The following HAO1 variants were observed in gnomAD, a reference collection of about 807,000 sequenced individuals.
HAO1 encodes 2-Hydroxyacid oxidase 1.
HAO1 carries 34 observed loss-of-function variants against 39.7 expected under a neutral mutation model. The ratio of observed to expected loss-of-function variants is 0.86; its 90% CI spans 0.65 to 1.14. The LOEUF (loss-of-function observed/expected upper bound fraction) is 1.14, where lower values mean the gene tolerates loss of function less well. Ranked by LOEUF, HAO1 falls within the 50% of genes most tolerant of loss-of-function variation. The pLI is 0.00. For synonymous variants in HAO1, 172 were observed against 173.2 expected, an observed-to-expected ratio of 0.99 and a Z score of 0.05; for missense variants, 479 against 464.5, an observed-to-expected ratio of 1.03 and a Z score of -0.29.
At chr20:7,913,394 A>G (rs555219320) in intron 3 of HAO1, among the ~76,000 whole-genome samples, 3 of 152,260 alleles carry the variant, frequency 2.0e-5, no homozygotes, top group African/African-American at 7.2e-5. Flanking sequence ...AAAATCCAAG[A>G]GCACATTTTG....
chr20:7,928,397 C>T (rs947521899), intron 2 of HAO1, among the ~76,000 whole-genome samples: 2 of 151,726 alleles, frequency 1.3e-5, no homozygotes, highest in Middle Eastern at 3.4e-3. Flanking sequence ...GGATCAAAAT[C>T]ATTTATTTAT....
intron 2 of HAO1, among the ~76,000 whole-genome samples, chr20:7,917,245 C>T (rs920707019): frequency 7.3e-5 from 11 of 150,348 alleles, no homozygotes; most frequent in Non-Finnish European, 1.3e-4. Flanking sequence ...GCGACTGAAG[C>T]ACTAGGATTG....
chr20:7,929,604 G>A (rs555483159), intron 2 of HAO1, among the ~76,000 whole-genome samples: 40 of 152,168 alleles, frequency 2.6e-4, no homozygotes, highest in South Asian at 4.1e-4. Context: ...GGTGGCTCAC[G>A]CATGTAATCC....
chr20:7,905,515 T>C (rs1252745824), intron 4 of HAO1, among the ~76,000 whole-genome samples: 1 of 152,220 alleles, frequency 6.6e-6, no homozygotes. Flanking sequence ...TTTCTTGCCT[T>C]TGTGGGTAAA....
chr20:7,901,422 T>C (rs1044438838), intron 4 of HAO1, among the ~76,000 whole-genome samples: 2 of 152,084 alleles, frequency 1.3e-5, no homozygotes, highest in Non-Finnish European at 2.9e-5. Context: ...TTATACCAAA[T>C]CTACTCTGCC....
intron 5 of HAO1, among the ~76,000 whole-genome samples, chr20:7,893,686 C>G (rs956490841): frequency 6.6e-5 from 10 of 152,122 alleles, no homozygotes; most frequent in Non-Finnish European, 1.5e-5. Flanking sequence ...TTATCTCCCA[C>G]CTGACCAATC....
At chr20:7,904,113 T>C (rs2050236783) in intron 4 of HAO1, among the ~76,000 whole-genome samples, 3 of 152,190 alleles carry the variant, frequency 2.0e-5, no homozygotes, top group Admixed American at 2.0e-4. Context: ...GAAACAATTA[T>C]GGAACAAGAC....
intron 4 of HAO1, 104 bp downstream of exon 4, chr20:7,906,050 T>C (rs1286438411): frequency 2.4e-6 from 2 of 817,254 alleles, no homozygotes; most frequent in Admixed American, 4.3e-5. Context: ...TCTCTCTCAA[T>C]TTCCATGTTA....
At chr20:7,923,445 A>G (rs918623931) in intron 2 of HAO1, among the ~76,000 whole-genome samples, 22 of 152,170 alleles carry the variant, frequency 1.4e-4, no homozygotes, top group African/African-American at 5.3e-4. Context: ...AGGGGCCTGC[A>G]TACTAAGCCT....
At chr20:7,923,767 C>T (rs2247663) in intron 2 of HAO1, among the ~76,000 whole-genome samples, 14 of 151,930 alleles carry the variant, frequency 9.2e-5, no homozygotes, top group Non-Finnish European at 1.6e-4. Context: ...GTCTGTAGTG[C>T]GACCTAAGAT....
In HAO1 at chr20:7,934,590, A is replaced by T; in HGVS notation, c.183T>A (p.Asp61Glu). 6.2e-7 allele frequency: 1 copy of T among 1,610,398 alleles called. No homozygotes were observed. The highest frequency in any genetic ancestry group is 8.5e-7 in the Non-Finnish European group (1 of 1,176,732). Residue 61 changes from aspartate to glutamate, a missense_variant, in exon 2 of 8, where the codon GAT becomes GAA. Physicochemically the swap from Asp to Glu is conservative, Grantham distance 45. Transcript: ENST00000378789. The stretch of plus-strand genomic sequence containing the variant: ...TCTGTCCTAAAACAGAAGTCGACAG[A>T]TCTGTTTCAGCAACATTCCGGAGCA... ...PRMLRNVAET[D>E]LSTSVLGQRV...
At chr20:7,930,751 A>G (rs1348583616) in intron 2 of HAO1, among the ~76,000 whole-genome samples, 1 of 152,190 alleles carries the variant, frequency 6.6e-6, no homozygotes, top group African/African-American at 2.4e-5. Flanking sequence ...ACTGCTGTAC[A>G]TCATTAGCTA....
chr20:7,912,584 A>T (rs2050285188), intron 3 of HAO1, among the ~76,000 whole-genome samples: 2 of 92,542 alleles, frequency 2.2e-5, no homozygotes, highest in South Asian at 6.7e-4. Flanking sequence ...AGTCTTTAAA[A>T]AAAAAAAAAA....
At chr20:7,926,751 T>C (rs1194699055) in intron 2 of HAO1, among the ~76,000 whole-genome samples, 2 of 152,180 alleles carry the variant, frequency 1.3e-5, no homozygotes, top group Non-Finnish European at 2.9e-5. Context: ...CTTTGGAATG[T>C]TCTGGCCTTT....
intron 4 of HAO1, among the ~76,000 whole-genome samples, chr20:7,905,699 T>G (rs1023819719): frequency 6.6e-6 from 1 of 152,152 alleles, no homozygotes; most frequent in African/African-American, 2.4e-5. Context: ...TTGACCACAC[T>G]CAAAAACTAG....
At chr20:7,922,531 A>G (rs2050338345) in intron 2 of HAO1, among the ~76,000 whole-genome samples, 1 of 152,152 alleles carries the variant, frequency 6.6e-6, no homozygotes. Context: ...TCCAATTCCA[A>G]GAATTCCCTG....
chr20:7,904,302 C>T (rs535020512), intron 4 of HAO1, among the ~76,000 whole-genome samples: 3 of 152,316 alleles, frequency 2.0e-5, no homozygotes, highest in African/African-American at 4.8e-5. Context: ...TCTTCCCTGA[C>T]CACAATTTTG....
intron 1 of HAO1, among the ~76,000 whole-genome samples, chr20:7,935,229 G>T (rs980267212): frequency 1.3e-5 from 2 of 152,130 alleles, no homozygotes; most frequent in Non-Finnish European, 2.9e-5. Flanking sequence ...TCATACAGGG[G>T]TACTATCATT....
intron 3 of HAO1, among the ~76,000 whole-genome samples, chr20:7,906,859 G>A (rs1359491526): frequency 2.0e-5 from 3 of 152,148 alleles, no homozygotes; most frequent in Non-Finnish European, 4.4e-5. Flanking sequence ...TATAGAACTA[G>A]CTAATAGCAG....
Sources: allele counts gnomAD v4.1 joint callset (sites outside exome capture counted in the v4.1 genomes callset), GRCh38; gene constraint gnomAD v4.1.1; transcripts MANE v1.5; gene names NCBI Gene and HGNC (gene_info 2026-07-23, HGNC 2026-07-21).